Variants in SHC3 observed in about 807,000 individuals in gnomAD.
SHC3 encodes the protein SHC adaptor protein 3, also known as SHC-transforming protein 3.
A neutral mutation model predicts 60.4 loss-of-function variants in SHC3; 15 were observed. The observed-to-expected ratio is 0.25, with a 90% CI of 0.17 to 0.38. The LOEUF (loss-of-function observed/expected upper bound fraction) is 0.38. Among genes scored for constraint, SHC3 ranks in the 10% least tolerant of loss-of-function variants. The probability of loss-of-function intolerance (pLI) is 1.00; values close to 1 mark genes in which losing one functional copy is unlikely to be tolerated. For missense variants in SHC3, 677 were observed against 786.1 expected (o/e 0.86, Z 1.66); for synonymous variants, 294 against 325.9 (o/e 0.90, Z 1.05).
At chr9:89,029,949 A>T (rs903672474) in intron 11 of SHC3, among the ~76,000 whole-genome samples, 4 of 152,214 alleles carry the variant, frequency 2.6e-5, no homozygotes, top group African/African-American at 9.6e-5. Context: ...ATATGAATGG[A>T]TTAAAAATGC....
intron 11 of SHC3, among the ~76,000 whole-genome samples, chr9:89,032,093 C>A (rs114320977): frequency 4.3e-4 from 66 of 152,290 alleles, no homozygotes; most frequent in African/African-American, 1.5e-3. Flanking sequence ...GAGAGCCACA[C>A]AACACACACG....
intron 10 of SHC3, among the ~76,000 whole-genome samples, chr9:89,040,184 C>CATCTTTCT (rs570557901): frequency 1.4e-5 from 2 of 146,340 alleles, no homozygotes; most frequent in African/African-American, 2.5e-5. Flanking sequence ...CTATCAACAC[C>CATCTTTCT]ACCACCATCA....
intron 1 of SHC3, among the ~76,000 whole-genome samples, chr9:89,151,376 A>G (rs1465688074): frequency 1.3e-5 from 2 of 152,220 alleles, no homozygotes; most frequent in Non-Finnish European, 2.9e-5. Context: ...TGATAAAGTC[A>G]TGAGGGCTCT....
chr9:89,103,097 C>T (rs141707493), intron 2 of SHC3, among the ~76,000 whole-genome samples: 13 of 152,136 alleles, frequency 8.5e-5, no homozygotes, highest in African/African-American at 1.9e-4. Flanking sequence ...GCCAGGCAAG[C>T]GGAACTTAAC....
intron 6 of SHC3, among the ~76,000 whole-genome samples, chr9:89,060,489 A>G (rs1825069641): frequency 1.3e-5 from 2 of 152,088 alleles, no homozygotes; most frequent in Admixed American, 6.5e-5. Context: ...GAAGTCCAGG[A>G]AGGCCGGTGG....
chr9:89,070,803 G>C (rs1276487218), intron 5 of SHC3, among the ~76,000 whole-genome samples: 2 of 152,134 alleles, frequency 1.3e-5, no homozygotes, highest in Non-Finnish European at 2.9e-5. Context: ...AGCAGACTAA[G>C]AAAATTCACA....
At chr9:89,042,677 C>T (rs950100863) in intron 9 of SHC3, among the ~76,000 whole-genome samples, 2 of 152,220 alleles carry the variant, frequency 1.3e-5, no homozygotes, top group Non-Finnish European at 2.9e-5. Context: ...GAGAGAGACT[C>T]CTTCCTTATA....
At position 89,009,243 on chromosome 9, in the gene SHC3, G is replaced by C. The variant is rs960479003; in HGVS notation, c.*4204C>G. 1.3e-5 allele frequency: 2 copies of C among 152,240 alleles called. No individual in the cohort carries two copies. The highest frequency in any genetic ancestry group is 4.1e-4 in the South Asian group (2 of 4,828). The allele number at this position is 152,240 out of a possible 1,614,324, so 9.4% of individuals were successfully genotyped here. On this transcript the variant is annotated 3_prime_UTR_variant, in exon 12 of 12. Coordinates refer to ENST00000375835, the MANE Select transcript of SHC3 (RefSeq NM_016848.6). ...ATCCTGTGTGGAGCTGACAGTTCTAGGTTGGCACTATGTCCAGGAGTGGGT... is the reference window on the plus strand; with the variant it reads ...ATCCTGTGTGGAGCTGACAGTTCTACGTTGGCACTATGTCCAGGAGTGGGT...
chr9:89,122,321 G>C (rs1372708007), intron 1 of SHC3, among the ~76,000 whole-genome samples: 1 of 152,192 alleles, frequency 6.6e-6, no homozygotes, highest in Non-Finnish European at 1.5e-5. Flanking sequence ...TTCACTAAAA[G>C]CTCCTGGAAT....
At chr9:89,134,135 G>C (rs779760648) in intron 1 of SHC3, among the ~76,000 whole-genome samples, 1 of 152,076 alleles carries the variant, frequency 6.6e-6, no homozygotes, top group Non-Finnish European at 1.5e-5. Flanking sequence ...ATATGTGTTT[G>C]AGACTACTAA....
chr9:89,103,006 C>G (rs1416325460), intron 2 of SHC3, among the ~76,000 whole-genome samples: 1 of 152,076 alleles, frequency 6.6e-6, no homozygotes, highest in Non-Finnish European at 1.5e-5. Flanking sequence ...GACTGTGGAC[C>G]AGGAGAATGG....
intron 4 of SHC3, among the ~76,000 whole-genome samples, chr9:89,072,532 A>T (rs1825291034): frequency 2.0e-5 from 3 of 152,196 alleles, no homozygotes; most frequent in African/African-American, 7.2e-5. Flanking sequence ...AATCCAGAGC[A>T]GACAATCCAT....
At chr9:89,013,642 C>T in intron 11 of SHC3, 67 bp from the exon 12 acceptor site, 1 of 1,540,676 alleles carries the variant, frequency 6.5e-7, no homozygotes, top group Non-Finnish European at 8.8e-7. Flanking sequence ...ATGGTTTGCT[C>T]AGAATCAGCC....
intron 2 of SHC3, among the ~76,000 whole-genome samples, chr9:89,091,596 C>T (rs1825622174): frequency 6.6e-6 from 1 of 152,200 alleles, no homozygotes; most frequent in African/African-American, 2.4e-5. Context: ...TCTAATAAAA[C>T]ATTTTTTAAT....
chr9:89,034,268 ATCCCAGCTGCCAAAACACAATGTCT>A (rs1412802790), intron 11 of SHC3, among the ~76,000 whole-genome samples: 1 of 152,266 alleles, frequency 6.6e-6, no homozygotes, highest in African/African-American at 2.4e-5. Flanking sequence ...TCCTAGACAT[ATCCCAGCTGCCAAAACACAATGTCT>A]GGACATAGTA....
chr9:89,152,391 A>G (rs1178356796), intron 1 of SHC3, among the ~76,000 whole-genome samples: 1 of 152,198 alleles, frequency 6.6e-6, no homozygotes, highest in Non-Finnish European at 1.5e-5. Context: ...ATTCAAGCAA[A>G]ATTCTGCTCC....
chr9:89,068,581 C>T (rs1466839795), intron 5 of SHC3, among the ~76,000 whole-genome samples: 6 of 151,704 alleles, frequency 4.0e-5, no homozygotes, highest in East Asian at 1.9e-4. Context: ...TGTGTTATGA[C>T]ATTTTATAAA....
intron 1 of SHC3, among the ~76,000 whole-genome samples, chr9:89,162,325 C>G (rs1395595698): frequency 6.6e-6 from 1 of 152,040 alleles, no homozygotes; most frequent in Non-Finnish European, 1.5e-5. Flanking sequence ...AGGCATCACA[C>G]TACCTGACTT....
intron 2 of SHC3, among the ~76,000 whole-genome samples, chr9:89,090,830 G>A (rs1488110174): frequency 6.6e-6 from 1 of 152,196 alleles, no homozygotes; most frequent in Admixed American, 6.5e-5. Flanking sequence ...AAACTACAAG[G>A]AAATGAATAT....
Sources: gnomAD v4.1 joint callset for allele counts (sites outside exome capture counted in the v4.1 genomes callset) on GRCh38, gnomAD v4.1.1 for gene constraint, MANE v1.5 for transcripts, NCBI Gene and HGNC (gene_info 2026-07-23, HGNC 2026-07-21) for gene names.